PLCB1: variants seen among roughly 807,000 people sequenced by gnomAD.
The protein encoded by PLCB1 is 1-phosphatidylinositol 4,5-bisphosphate phosphodiesterase beta-1.
PLCB1 carries 46 observed loss-of-function variants against 161.8 expected under a neutral mutation model. The observed-to-expected ratio is 0.28, with a 90% CI of 0.22 to 0.36. The LOEUF (loss-of-function observed/expected upper bound fraction) is 0.36, where lower values mean the gene tolerates loss of function less well. Among genes scored for constraint, PLCB1 ranks in the 10% least tolerant of loss-of-function variants. PLCB1 has a pLI of 1.00. For missense variants in PLCB1, 1,016 were observed against 1,472.5 expected (o/e 0.69, Z 5.07); for synonymous variants, 517 against 503.7 (o/e 1.03, Z -0.35).
At chr20:8,424,797 G>A (rs761125352) in intron 3 of PLCB1, among the ~76,000 whole-genome samples, 5 of 152,132 alleles carry the variant, frequency 3.3e-5, no homozygotes, top group Non-Finnish European at 5.9e-5. Context: ...TGGACAAAAC[G>A]TCTAGCAGAG....
At chr20:8,446,438 C>A (rs1399779779) in intron 3 of PLCB1, among the ~76,000 whole-genome samples, 2 of 152,032 alleles carry the variant, frequency 1.3e-5, no homozygotes, top group Non-Finnish European at 2.9e-5. Flanking sequence ...TATGACAAAC[C>A]CACAGCCAAT....
chr20:8,228,902 C>T (rs1979851903), intron 2 of PLCB1, among the ~76,000 whole-genome samples: 1 of 152,062 alleles, frequency 6.6e-6, no homozygotes, highest in African/African-American at 2.4e-5. Context: ...TGGGAACATT[C>T]AAAATCCTGT....
intron 3 of PLCB1, among the ~76,000 whole-genome samples, chr20:8,601,179 A>T (rs1482595323): frequency 2.0e-5 from 3 of 152,224 alleles, no homozygotes; most frequent in Non-Finnish European, 4.4e-5. Context: ...GGCTAAAAAT[A>T]ACCTAAACAT....
At chr20:8,796,765 T>C (rs1269736702) in intron 31 of PLCB1, among the ~76,000 whole-genome samples, 1 of 152,242 alleles carries the variant, frequency 6.6e-6, no homozygotes, top group Non-Finnish European at 1.5e-5. Flanking sequence ...ACAATTTTAA[T>C]TCCACTGGTC....
intron 3 of PLCB1, among the ~76,000 whole-genome samples, chr20:8,409,066 C>T (rs1287088313): frequency 6.6e-6 from 1 of 152,184 alleles, no homozygotes; most frequent in South Asian, 2.1e-4. Flanking sequence ...GGGTTAGAGA[C>T]TGATTTGGAG....
intron 3 of PLCB1, among the ~76,000 whole-genome samples, chr20:8,426,519 G>C (rs1979781228): frequency 6.6e-6 from 1 of 152,122 alleles, no homozygotes; most frequent in Admixed American, 6.5e-5. Context: ...GCCTTTCTTT[G>C]CCAGTTTGTG....
At chr20:8,550,860 C>A (rs1985750749) in intron 3 of PLCB1, among the ~76,000 whole-genome samples, 1 of 151,926 alleles carries the variant, frequency 6.6e-6, no homozygotes, top group African/African-American at 2.4e-5. Flanking sequence ...GCTCTTGTAC[C>A]CTCTCTCTCT....
chr20:8,517,636 A>T (rs1984186363), intron 3 of PLCB1, among the ~76,000 whole-genome samples: 2 of 152,174 alleles, frequency 1.3e-5, no homozygotes, highest in African/African-American at 4.8e-5. Context: ...CTGGGCCTCA[A>T]TCCCCTGTAC....
rs894299017 is a variant in PLCB1 at position 8,168,864 on chromosome 20, A to T, written c.177+18493A>T. Among the ~76,000 whole-genome samples, 93 of 152,228 alleles carry T rather than the reference A, an allele frequency of 6.1e-4. 2 individuals are homozygous for T. Among genetic ancestry groups the T allele is most frequent in the Non-Finnish European group, 4.0e-4 (27 of 68,012 alleles). On this transcript the variant is annotated intron_variant, in intron 2 of 31. Transcript: ENST00000338037. ...CTTTGGGATTCTTTACTGCAGAAAAATGATGATGGGAAATGTTCTTCAGTA... is the reference window on the plus strand; with the variant it reads ...CTTTGGGATTCTTTACTGCAGAAAATTGATGATGGGAAATGTTCTTCAGTA...
At chr20:8,548,629 A>G (rs1985659344) in intron 3 of PLCB1, among the ~76,000 whole-genome samples, 1 of 151,844 alleles carries the variant, frequency 6.6e-6, no homozygotes, top group Non-Finnish European at 1.5e-5. Flanking sequence ...ATATGTATAT[A>G]TTCAATAGAA....
chr20:8,867,412 A>G (rs1011919113), intron 31 of PLCB1, among the ~76,000 whole-genome samples: 16 of 152,228 alleles, frequency 1.1e-4, no homozygotes, highest in African/African-American at 3.9e-4. Context: ...GACTCGGTGT[A>G]AGAACTGAAT....
chr20:8,882,711 T>G lies in PLCB1; in HGVS notation c.*862T>G, dbSNP rs1188094668. ...TGAGCTGATATATGTTAAGCAGATATTCAATCAGAATGAACAGGTTCCGGT... is the reference window on the plus strand; with the variant it reads ...TGAGCTGATATATGTTAAGCAGATAGTCAATCAGAATGAACAGGTTCCGGT... On this transcript the variant is annotated 3_prime_UTR_variant, in exon 32 of 32. Transcript: ENST00000338037. 1 of 152,320 alleles carries G rather than the reference T, an allele frequency of 6.6e-6. No individual in the cohort carries two copies. Among genetic ancestry groups the G allele is most frequent in the Non-Finnish European group, 1.5e-5 (1 of 68,034 alleles). 9.4% of individuals were successfully genotyped at this position (152,320 alleles called of 1,614,324 possible). A position where few individuals can be genotyped will look rare whatever the true frequency, so the allele number is the denominator to read the frequency against.
intron 2 of PLCB1, among the ~76,000 whole-genome samples, chr20:8,202,366 C>T (rs142660189): frequency 9.2e-5 from 14 of 152,344 alleles, no homozygotes; most frequent in East Asian, 3.9e-4. Context: ...TCAGCCACTG[C>T]GCACAGCCTA....
chr20:8,549,274 G>A (rs1985686930), intron 3 of PLCB1, among the ~76,000 whole-genome samples: 1 of 152,126 alleles, frequency 6.6e-6, no homozygotes, highest in Non-Finnish European at 1.5e-5. Context: ...TAAGAAGAAT[G>A]TCTAGGCCCA....
At chr20:8,358,685 G>A (rs1421122838) in intron 2 of PLCB1, among the ~76,000 whole-genome samples, 1 of 151,974 alleles carries the variant, frequency 6.6e-6, no homozygotes, top group African/African-American at 2.4e-5. Flanking sequence ...AAATGTTTTC[G>A]CTTTTATTTT....
intron 26 of PLCB1, among the ~76,000 whole-genome samples, chr20:8,774,148 C>T (rs1242995221): frequency 6.6e-6 from 1 of 152,218 alleles, no homozygotes; most frequent in Non-Finnish European, 1.5e-5. Context: ...CTGAAGTTTT[C>T]ATACGGGAAA....
At chr20:8,439,550 A>G (rs1056872215) in intron 3 of PLCB1, among the ~76,000 whole-genome samples, 11 of 152,232 alleles carry the variant, frequency 7.2e-5, no homozygotes, top group African/African-American at 2.7e-4. Flanking sequence ...TATTTAGACC[A>G]TGTTCTAAAC....
chr20:8,536,460 T>C (rs150239127), intron 3 of PLCB1, among the ~76,000 whole-genome samples: 109 of 152,274 alleles, frequency 7.2e-4, no homozygotes, highest in African/African-American at 2.4e-3. Flanking sequence ...AGTGCCCTAT[T>C]GCTGCAGAGC....
At chr20:8,478,098 A>G (rs1483917994) in intron 3 of PLCB1, among the ~76,000 whole-genome samples, 2 of 152,202 alleles carry the variant, frequency 1.3e-5, no homozygotes, top group East Asian at 1.9e-4. Flanking sequence ...CTGTGCTCAC[A>G]GTTTTGTTAA....
Sources: allele counts gnomAD v4.1 joint callset (sites outside exome capture counted in the v4.1 genomes callset), GRCh38; gene constraint gnomAD v4.1.1; transcripts MANE v1.5; gene names NCBI Gene and HGNC (gene_info 2026-07-23, HGNC 2026-07-21).